Variants in PRKD1 observed in about 807,000 individuals in gnomAD.
The protein encoded by PRKD1 is protein kinase D1.
A neutral mutation model predicts 95.9 loss-of-function variants in PRKD1; 63 were observed. That is an observed-to-expected ratio of 0.66 (90% CI 0.54 to 0.81). PRKD1 has a LOEUF of 0.81. Ranked by LOEUF, PRKD1 falls within the 30% of genes least tolerant of loss-of-function variation. The pLI is 0.00. For missense variants in PRKD1, 1,048 were observed against 1,165.3 expected (o/e 0.90, Z 1.47); for synonymous variants, 425 against 423.1 (o/e 1.00, Z -0.05).
intron 13 of PRKD1, among the ~76,000 whole-genome samples, chr14:29,614,147 G>A (rs1016437573): frequency 1.3e-5 from 2 of 152,114 alleles, no homozygotes; most frequent in Non-Finnish European, 2.9e-5. Flanking sequence ...TATTACTAGG[G>A]TGCTTTGCCA....
Position 29,837,724 on chromosome 14 carries a change from T to G in PRKD1, c.264+89525A>C, listed in dbSNP as rs987361260. 4.6e-5 allele frequency among the ~76,000 whole-genome samples: 7 copies of G among 152,332 alleles called. No individual in the cohort carries two copies. In the East Asian group the frequency reaches 1.4e-3, roughly 29 times the overall value. On this transcript the variant is annotated intron_variant, in intron 1 of 17. Transcript: ENST00000331968. ...ATATATACAGCAATAGTAATTCATG[T>G]GAGTAATCATAACTAAAACATTGAT...
At chr14:29,603,047 A>G (rs982944672) in intron 13 of PRKD1, among the ~76,000 whole-genome samples, 1 of 152,224 alleles carries the variant, frequency 6.6e-6, no homozygotes, top group African/African-American at 2.4e-5. Context: ...GGTTAGATAT[A>G]CAAATTTTTA....
intron 1 of PRKD1, among the ~76,000 whole-genome samples, chr14:29,797,926 A>C (rs1889883022): frequency 6.6e-6 from 1 of 152,208 alleles, no homozygotes; most frequent in African/African-American, 2.4e-5. Context: ...CTATAACTTA[A>C]GCTAGACCCA....
chr14:29,712,278 G>T (rs1885369224), intron 2 of PRKD1, among the ~76,000 whole-genome samples: 1 of 151,984 alleles, frequency 6.6e-6, no homozygotes, highest in Non-Finnish European at 1.5e-5. Context: ...CTAAATAGGG[G>T]ACTAACTAAC....
intron 1 of PRKD1, among the ~76,000 whole-genome samples, chr14:29,737,130 G>A (rs1886755797): frequency 6.6e-6 from 1 of 151,012 alleles, no homozygotes; most frequent in Admixed American, 6.6e-5. Context: ...AGACCATCCT[G>A]GCTAACAAGG....
intron 4 of PRKD1, chr14:29,656,438 G>A (rs957258966): frequency 4.0e-6 from 6 of 1,511,012 alleles, no homozygotes; most frequent in African/African-American, 2.8e-5. Flanking sequence ...AAAAGACAGT[G>A]AAGCAAATTT....
intron 1 of PRKD1, among the ~76,000 whole-genome samples, chr14:29,755,628 C>A (rs573383399): frequency 6.6e-6 from 1 of 152,244 alleles, no homozygotes; most frequent in South Asian, 2.1e-4. Flanking sequence ...AAACTTTGCT[C>A]CTAACTCCTT....
rs183346051 is a variant in PRKD1 at position 29,916,171 on chromosome 14, T to C, written c.264+11078A>G. On this transcript the variant is annotated intron_variant, in intron 1 of 17. Coordinates refer to ENST00000331968, the MANE Select transcript of PRKD1 (RefSeq NM_002742.3). ...CTTGCCTATCATGACCCAAGGCTCC[T>C]GGGATAAGCTTTTCAAAATTCTTAC... is the stretch of plus-strand genomic sequence containing the variant. Among the ~76,000 whole-genome samples, 455 of 152,274 alleles carry C rather than the reference T, an allele frequency of 3.0e-3. 8 individuals are homozygous for C. The highest frequency in any genetic ancestry group is 0.026 in the Admixed American group (400 of 15,290).
chr14:29,777,589 G>A (rs1042006066), intron 1 of PRKD1, among the ~76,000 whole-genome samples: 2 of 152,106 alleles, frequency 1.3e-5, no homozygotes, highest in African/African-American at 2.4e-5. Context: ...AACAAGAAGA[G>A]CTAACTATCC....
intron 2 of PRKD1, among the ~76,000 whole-genome samples, chr14:29,721,889 C>T (rs1451619179): frequency 6.6e-6 from 1 of 151,942 alleles, no homozygotes; most frequent in African/African-American, 2.4e-5. Flanking sequence ...TGTACTAGCT[C>T]ACACTAGTCA....
At chr14:29,644,665 G>A (rs1254560394) in intron 4 of PRKD1, among the ~76,000 whole-genome samples, 1 of 151,748 alleles carries the variant, frequency 6.6e-6, no homozygotes, top group Non-Finnish European at 1.5e-5. Flanking sequence ...AGACCTTTGA[G>A]GTTATAAAAA....
At chr14:29,805,589 T>C (rs913666701) in intron 1 of PRKD1, among the ~76,000 whole-genome samples, 1 of 152,222 alleles carries the variant, frequency 6.6e-6, no homozygotes, top group Non-Finnish European at 1.5e-5. Flanking sequence ...AAATCCACAA[T>C]GTAGAATAAC....
chr14:29,836,298 G>A (rs537371443), intron 1 of PRKD1, among the ~76,000 whole-genome samples: 13 of 152,260 alleles, frequency 8.5e-5, no homozygotes, highest in Non-Finnish European at 1.6e-4. Context: ...AAAGATTTTT[G>A]AACCATTAAG....
At chr14:29,729,534 T>C (rs1010217939) in intron 1 of PRKD1, among the ~76,000 whole-genome samples, 2 of 152,186 alleles carry the variant, frequency 1.3e-5, no homozygotes, top group African/African-American at 2.4e-5. Context: ...ATTTCTTATA[T>C]CCTTTCTTTT....
chr14:29,627,542 CATTCTGATGAA>C (rs1288364529), intron 11 of PRKD1, among the ~76,000 whole-genome samples: 1 of 152,154 alleles, frequency 6.6e-6, no homozygotes, highest in Non-Finnish European at 1.5e-5. Flanking sequence ...TCTGTGATTT[CATTCTGATGAA>C]ATCACCAGGT....
chr14:29,887,739 G>A (rs1175404670), intron 1 of PRKD1, among the ~76,000 whole-genome samples: 2 of 152,092 alleles, frequency 1.3e-5, no homozygotes, highest in Non-Finnish European at 2.9e-5. Flanking sequence ...TATTTACCAT[G>A]TGTTACAATT....
At chr14:29,805,773 G>C (rs750228598) in intron 1 of PRKD1, among the ~76,000 whole-genome samples, 7 of 152,208 alleles carry the variant, frequency 4.6e-5, no homozygotes, top group Admixed American at 2.6e-4. Context: ...TGCCTCCAGA[G>C]CATGGGCTCT....
chr14:29,578,830 A>C (rs1594333824), intron 16 of PRKD1, among the ~76,000 whole-genome samples: 1 of 152,294 alleles, frequency 6.6e-6, no homozygotes. Context: ...ATATCTGAAC[A>C]TCATATTTGT....
At chr14:29,606,998 C>G (rs1878023494) in intron 13 of PRKD1, among the ~76,000 whole-genome samples, 1 of 152,182 alleles carries the variant, frequency 6.6e-6, no homozygotes, top group South Asian at 2.1e-4. Flanking sequence ...GCTTCCAAAT[C>G]TTATGTAAAA....
Sources: gnomAD v4.1 joint callset for allele counts (sites outside exome capture counted in the v4.1 genomes callset) on GRCh38, gnomAD v4.1.1 for gene constraint, MANE v1.5 for transcripts, NCBI Gene and HGNC (gene_info 2026-07-23, HGNC 2026-07-21) for gene names.